The following CTNNA2 variants were observed in gnomAD, a reference collection of about 807,000 sequenced individuals.
CTNNA2 encodes catenin alpha 2, also known as catenin alpha-2.
In CTNNA2, 42 loss-of-function variants were observed where a neutral mutation model predicts 101.0. The ratio of observed to expected loss-of-function variants is 0.42; its 90% CI spans 0.32 to 0.54. The LOEUF is 0.54. Among genes scored for constraint, CTNNA2 ranks in the 20% least tolerant of loss-of-function variants. The pLI, the probability that CTNNA2 is intolerant of heterozygous loss-of-function variation, is 0.14. For synonymous variants in CTNNA2, 450 were observed against 456.4 expected (o/e 0.99, Z 0.18); for missense variants, 871 against 1,223.1 (o/e 0.71, Z 4.29).
At chr2:80,504,287 G>T (rs1688094282) in intron 9 of CTNNA2, among the ~76,000 whole-genome samples, 1 of 152,132 alleles carries the variant, frequency 6.6e-6, no homozygotes, top group Non-Finnish European at 1.5e-5. Context: ...GATGTTCCTT[G>T]CCACATGGTT....
At chr2:79,530,506 T>TC (rs2103928648) in intron 1 of CTNNA2, among the ~76,000 whole-genome samples, 1 of 152,154 alleles carries the variant, frequency 6.6e-6, no homozygotes, top group Non-Finnish European at 1.5e-5. Context: ...ATTTTTTTTT[T>TC]CCTTAACTCC....
intron 7 of CTNNA2, among the ~76,000 whole-genome samples, chr2:80,203,090 C>T (rs1707305549): frequency 6.6e-6 from 1 of 152,146 alleles, no homozygotes; most frequent in Non-Finnish European, 1.5e-5. Context: ...AGACCCATCC[C>T]CATTATTCAA....
At chr2:79,798,259 C>T (rs1029097949) in intron 3 of CTNNA2, among the ~76,000 whole-genome samples, 1 of 152,170 alleles carries the variant, frequency 6.6e-6, no homozygotes, top group African/African-American at 2.4e-5. Context: ...TACTAATCCC[C>T]TAGGCATCGG....
intron 2 of CTNNA2, among the ~76,000 whole-genome samples, chr2:79,265,842 A>G (rs897303397): frequency 6.6e-6 from 1 of 152,194 alleles, no homozygotes; most frequent in African/African-American, 2.4e-5. Flanking sequence ...AGATTCTTGC[A>G]GAAAAAAATA....
At chr2:79,287,209 C>G (rs973844641) in intron 2 of CTNNA2, among the ~76,000 whole-genome samples, 2 of 152,132 alleles carry the variant, frequency 1.3e-5, no homozygotes, top group Non-Finnish European at 2.9e-5. Flanking sequence ...AATGTCCTCC[C>G]GTAGCTCGGA....
chr2:79,590,465 T>G (rs1676773514), intron 1 of CTNNA2, among the ~76,000 whole-genome samples: 1 of 152,212 alleles, frequency 6.6e-6, no homozygotes. Flanking sequence ...GAGATGATTA[T>G]GATAAAGTAT....
chr2:80,565,470 C>T (rs1017610321), intron 12 of CTNNA2, among the ~76,000 whole-genome samples: 4 of 151,436 alleles, frequency 2.6e-5, no homozygotes, highest in Admixed American at 6.6e-5. Context: ...ACCAACTTCC[C>T]GGTTTTCAGA....
chr2:80,626,346 G>C lies in CTNNA2; in HGVS notation c.2574+7118G>C, dbSNP rs145256824. ...TCAAGTTCATCTTTTGGTCTAAGATGACTGCTAGTGTTCCACCTTTCCAAT... is the reference window on the plus strand; with the variant it reads ...TCAAGTTCATCTTTTGGTCTAAGATCACTGCTAGTGTTCCACCTTTCCAAT... On this transcript the variant is annotated intron_variant, in intron 18 of 18. Transcript: ENST00000402739. Among the ~76,000 whole-genome samples the C allele has an allele frequency of 4.2e-3, 633 of 152,140 alleles. 8 individuals carry two copies. Among genetic ancestry groups the C allele is most frequent in the African/African-American group, 0.013 (546 of 41,540 alleles).
chr2:79,622,050 A>C (rs1679030076), intron 1 of CTNNA2, among the ~76,000 whole-genome samples: 1 of 152,332 alleles, frequency 6.6e-6, no homozygotes, highest in South Asian at 2.1e-4. Flanking sequence ...AAGATCCTGA[A>C]CTAAAAAAGG....
chr2:79,822,182 ACGG>A (rs916623616), intron 3 of CTNNA2, among the ~76,000 whole-genome samples: 6 of 138,246 alleles, frequency 4.3e-5, no homozygotes, highest in African/African-American at 1.5e-4. Flanking sequence ...TTTGATTCCA[ACGG>A]TTTTTTTTTT....
At position 79,874,145 on chromosome 2, in the gene CTNNA2, A is replaced by G. The variant is rs1558601166; in HGVS notation, c.655A>G (p.Met219Val). The G allele has an allele frequency of 1.2e-6, 2 of 1,614,214 alleles. No individual in the cohort carries two copies. The highest frequency in any genetic ancestry group is 8.5e-7 in the Non-Finnish European group (1 of 1,180,046). The change falls in exon 6 of 19, where the codon ATG (methionine) becomes GTG (valine). Residue 219 changes from methionine (M) to valine (V), a missense_variant. By Grantham distance (21) the Met-to-Val change is conservative. Coordinates refer to ENST00000402739, the MANE Select transcript of CTNNA2 (RefSeq NM_001282597.3). ...ARGALKKNAT[M>V]LYTASQAFLR... ...AGGGGCTCTGAAGAAGAATGCCACA[A>G]TGCTGTACACGGCCTCTCAAGCATT...
intron 7 of CTNNA2, among the ~76,000 whole-genome samples, chr2:79,997,246 G>A (rs979944770): frequency 6.6e-6 from 1 of 151,500 alleles, no homozygotes; most frequent in African/African-American, 2.4e-5. Context: ...TTAGTATGGT[G>A]CCTAATAATC....
intron 15 of CTNNA2, among the ~76,000 whole-genome samples, chr2:80,596,807 C>G (rs1331649397): frequency 2.0e-5 from 3 of 152,124 alleles, no homozygotes; most frequent in African/African-American, 7.2e-5. Context: ...GGGAATACTT[C>G]CAGCTTTTGC....
intron 7 of CTNNA2, among the ~76,000 whole-genome samples, chr2:80,245,091 T>A (rs1671222047): frequency 6.6e-6 from 1 of 152,206 alleles, no homozygotes; most frequent in African/African-American, 2.4e-5. Flanking sequence ...AGTTCCCCTT[T>A]TTGAATTCAT....
At chr2:79,886,130 C>CTA (rs1312909716) in intron 6 of CTNNA2, among the ~76,000 whole-genome samples, 1 of 152,136 alleles carries the variant, frequency 6.6e-6, no homozygotes, top group Non-Finnish European at 1.5e-5. Context: ...TCCACTTAAC[C>CTA]TATTATGTGT....
chr2:80,402,794 A>T (rs1678679656), intron 8 of CTNNA2, among the ~76,000 whole-genome samples: 1 of 147,934 alleles, frequency 6.8e-6, no homozygotes, highest in Non-Finnish European at 1.5e-5. Flanking sequence ...GTTTAATATA[A>T]ATTATATATT....
chr2:79,598,930 T>C (rs571283141), intron 1 of CTNNA2, among the ~76,000 whole-genome samples: 3 of 152,324 alleles, frequency 2.0e-5, no homozygotes, highest in Admixed American at 2.0e-4. Context: ...AGTTTTATAG[T>C]TTTGCATTTT....
At chr2:79,678,727 T>C (rs527653756) in intron 2 of CTNNA2, among the ~76,000 whole-genome samples, 1 of 151,954 alleles carries the variant, frequency 6.6e-6, no homozygotes, top group African/African-American at 2.4e-5. Flanking sequence ...TCCTGGGTCT[T>C]TTGCATCTTT....
chr2:80,050,769 C>T (rs968062278), intron 7 of CTNNA2, among the ~76,000 whole-genome samples: 28 of 152,300 alleles, frequency 1.8e-4, no homozygotes, highest in Admixed American at 1.4e-3. Flanking sequence ...GGTACAATCA[C>T]GGCTCACTGC....
Sources: gnomAD v4.1 joint callset for allele counts (sites outside exome capture counted in the v4.1 genomes callset) on GRCh38, gnomAD v4.1.1 for gene constraint, MANE v1.5 for transcripts, NCBI Gene and HGNC (gene_info 2026-07-23, HGNC 2026-07-21) for gene names.